RHBDF1: variants seen among roughly 807,000 people sequenced by gnomAD.
The protein encoded by RHBDF1 is inactive rhomboid protein 1.
In RHBDF1, 80 loss-of-function variants were observed where a neutral mutation model predicts 98.6. The observed-to-expected ratio is 0.81, with a 90% CI of 0.68 to 0.98. The LOEUF is 0.98. Ranked by LOEUF, RHBDF1 falls within the 50% of genes least tolerant of loss-of-function variation. The pLI, the probability that RHBDF1 is intolerant of heterozygous loss-of-function variation, is 0.00. For missense variants in RHBDF1, 1,116 were observed against 1,198.3 expected (o/e 0.93, Z 1.01); for synonymous variants, 512 against 486.8 (o/e 1.05, Z -0.68).
chr16:61,353 C>A (rs756184252), intron 10 of RHBDF1, 32 bp downstream of exon 10: 470 of 1,550,608 alleles, frequency 3.0e-4, no homozygotes, highest in Non-Finnish European at 3.9e-4. Context: ...AGGTCCCGCC[C>A]CCGCCGGCCC....
In RHBDF1 at chr16:61,707, G is replaced by C. The variant is rs757887168; in HGVS notation, c.1209-11C>G. 4 of 1,613,134 alleles carry C rather than the reference G, an allele frequency of 2.5e-6. No homozygotes were observed. The highest frequency in any genetic ancestry group is 3.4e-6 in the Non-Finnish European group (4 of 1,179,798). ...TAGGTGAAGAAGGGCCTGCGGGGTG[G>C]AGCGTCAGCGGGGGCCTCATCCCCG... On this transcript the variant is annotated splice_polypyrimidine_tract_variant and intron_variant, in intron 8 of 17. Transcript: ENST00000262316.
In RHBDF1 at chr16:61,384, C is replaced by G; in HGVS notation, c.1395+1G>C. 3.7e-6 allele frequency: 6 copies of G among 1,606,258 alleles called. No individual in the cohort carries two copies. The highest frequency in any genetic ancestry group is 5.1e-6 in the Non-Finnish European group (6 of 1,177,352). ...GGCCCCGCCCCCAGCCCCGTCCTCA[C>G]CGAGCTGGGCCCGATCCAGAAGTTC... On this transcript the variant is annotated splice_donor_variant, in intron 10 of 17. Coordinates refer to ENST00000262316, the MANE Select transcript of RHBDF1 (RefSeq NM_022450.5). LOFTEE classifies it high-confidence loss of function.
intron 1 of RHBDF1, among the ~76,000 whole-genome samples, chr16:68,312 G>A (rs1399601042): frequency 1.3e-5 from 2 of 152,230 alleles, no homozygotes; most frequent in African/African-American, 4.8e-5. Context: ...CAAGTGGGTG[G>A]GATTCCAAAG....
At chr16:59,604 C>G in intron 14 of RHBDF1, 110 bp from the exon 15 acceptor site, 1 of 1,477,566 alleles carries the variant, frequency 6.8e-7, no homozygotes, top group Non-Finnish European at 9.2e-7. Flanking sequence ...CCAAGGAAGT[C>G]CAGACCCCCT....
chr16:63,915 A>G, intron 3 of RHBDF1, 115 bp from the exon 4 acceptor site: 4 of 936,446 alleles, frequency 4.3e-6, no homozygotes, highest in Non-Finnish European at 5.1e-6. Context: ...CACTCCAGGG[A>G]CCAGGGTCTG....
chr16:59,214 C>T, intron 16 of RHBDF1, 35 bp downstream of exon 16: 1 of 1,592,372 alleles, frequency 6.3e-7, no homozygotes, highest in Non-Finnish European at 8.6e-7. Context: ...CCTGAGGGCC[C>T]TGAGACCCCC....
rs201279363 is a variant in RHBDF1, at chr16:60,248, G to C, written c.1690C>G (p.His564Asp). ...TTGGTGATGTCTTCTGGCCACTCAT[G>C]AGGGTCTTCGGAGGAGGGCTCATCA... ...VCDEPSSEDP[H>D]EWPEDITKWP... Residue 564 changes from histidine (H) to aspartate (D), a missense_variant, in exon 13 of 18, where the codon CAT (histidine) becomes GAT (aspartate). Transcript: ENST00000262316. 1.2e-6 allele frequency: 2 copies of C among 1,614,104 alleles called. No individual in the cohort carries two copies. Among genetic ancestry groups the C allele is most frequent in the Admixed American group, 1.7e-5 (1 of 60,024 alleles).
chr16:61,861 C>A lies in RHBDF1; in HGVS notation c.1145G>T (p.Arg382Leu). Residue 382 changes from arginine to leucine, a missense_variant, in exon 8 of 18, where the codon CGC becomes CTC. Coordinates refer to ENST00000262316, the MANE Select transcript of RHBDF1 (RefSeq NM_022450.5). ...GCTGTCGATGCGCTTGCGGTAGGTG[C>A]GGTTGGTGAGCCGTCCCACCATGCC... ...GLGMVGRLTN[R>L]TYRKRIDSFV... 1 of 1,610,776 alleles carries A rather than the reference C, an allele frequency of 6.2e-7. No individual in the cohort carries two copies. The highest frequency in any genetic ancestry group is 8.5e-7 in the Non-Finnish European group (1 of 1,179,788).
intron 2 of RHBDF1, 35 bp from the exon 3 acceptor site, chr16:64,864 G>T (rs1212795683): frequency 6.2e-7 from 1 of 1,613,978 alleles, no homozygotes; most frequent in African/African-American, 1.3e-5. Context: ...GTACTGGACA[G>T]GGGGCACCCA....
At position 62,940 on chromosome 16, in the gene RHBDF1, G is replaced by A. The variant is rs775665123; in HGVS notation, c.672+33C>T. On this transcript the variant is annotated intron_variant, in intron 5 of 17. Coordinates refer to ENST00000262316, the MANE Select transcript of RHBDF1 (RefSeq NM_022450.5). ...AGCATGAGACCCGGCTGCTGGGTCG[G>A]CCCCCAACCCCGCCTTTGGCCCCTG... is the stretch of plus-strand genomic sequence containing the variant. 4 of 1,612,504 alleles carry A rather than the reference G, an allele frequency of 2.5e-6. No homozygotes were observed. In the Admixed American group the frequency reaches 6.7e-5, roughly 27 times the overall value.
At chr16:69,844 C>T (rs1399507774) in intron 1 of RHBDF1, among the ~76,000 whole-genome samples, 2 of 152,180 alleles carry the variant, frequency 1.3e-5, no homozygotes, top group Non-Finnish European at 2.9e-5. Context: ...CCCAGCAGGA[C>T]AGACTGGCAC....
Position 61,876 on chromosome 16 carries a change from C to G in RHBDF1, c.1130G>C (p.Gly377Ala). The G allele has an allele frequency of 6.2e-7, 1 of 1,609,372 alleles. No individual in the cohort carries two copies. The highest frequency in any genetic ancestry group is 8.5e-7 in the Non-Finnish European group (1 of 1,179,778). The change falls in exon 8 of 18, where the codon GGA (glycine) becomes GCA (alanine). Residue 377 changes from glycine (G) to alanine (A), a missense_variant. Transcript: ENST00000262316. The stretch of plus-strand genomic sequence containing the variant: ...GCGGTAGGTGCGGTTGGTGAGCCGT[C>G]CCACCATGCCCAGCCCATACGGCCG... ...EKRPYGLGMV[G>A]RLTNRTYRKR... is the part of the protein sequence containing the mutation.
At chr16:74,076 AGG>A, upstream of RHBDF1, 2 of 364,914 alleles carry the variant, frequency 5.5e-6, no homozygotes, top group Non-Finnish European at 7.6e-6. Flanking sequence ...GAGGGGGTGG[AGG>A]GTAACTCCAC....
Position 61,438 on chromosome 16 carries a change from A to G in RHBDF1, c.1342T>C (p.Tyr448His). ...VDSVLRNRGVYENVKYVQQEN... is the reference protein window; with the variant it reads ...VDSVLRNRGVHENVKYVQQEN... ...TGCTGCACGTACTTGACGTTCTCGT[A>G]GACCCCGCGGTTCCGCAGCACCTGG... The change falls in exon 10 of 18, where the codon TAC (tyrosine) becomes CAC (histidine). Residue 448 changes from tyrosine (Y) to histidine (H), a missense_variant. Physicochemically the swap from Tyr to His is moderately conservative, Grantham distance 83. Transcript: ENST00000262316. 1.2e-6 allele frequency: 2 copies of G among 1,612,482 alleles called. No individual in the cohort carries two copies. Among genetic ancestry groups the G allele is most frequent in the South Asian group, 2.2e-5 (2 of 91,070 alleles).
chr16:61,157 CTGTCGT>C lies in RHBDF1; in HGVS notation c.1514_1519del (p.Asn505_Asp506del). On this transcript the variant is annotated inframe_deletion, in exon 11 of 18. Transcript: ENST00000262316. ...CTCCGAGGTCTGCACGCAGCCCGAC[CTGTCGT>C]TGCGCACGCAGCAGGCGGAGTGCTT... 6.5e-7 allele frequency: 1 copy of C among 1,538,746 alleles called. No homozygotes were observed. The highest frequency in any genetic ancestry group is 8.7e-7 in the Non-Finnish European group (1 of 1,144,994).
rs780059637 is a variant in RHBDF1 at position 61,425 on chromosome 16, T to C, written c.1355A>G (p.Lys452Arg). 2 of 1,611,468 alleles carry C rather than the reference T, an allele frequency of 1.2e-6. No homozygotes were observed. Among genetic ancestry groups the C allele is most frequent in the South Asian group, 1.1e-5 (1 of 91,040 alleles). Residue 452 changes from lysine (K) to arginine (R), a missense_variant, in exon 10 of 18, where the codon AAG becomes AGG. Transcript: ENST00000262316. ...LRNRGVYENVKYVQQENFWIG... is the reference protein window; with the variant it reads ...LRNRGVYENVRYVQQENFWIG... ...CCAGAAGTTCTCCTGCTGCACGTAC[T>C]TGACGTTCTCGTAGACCCCGCGGTT...
intron 8 of RHBDF1, 28 bp downstream of exon 8, chr16:61,770 C>A: frequency 6.2e-7 from 1 of 1,612,336 alleles, no homozygotes; most frequent in Non-Finnish European, 8.5e-7. Context: ...GCCTCCATCC[C>A]AACCCAGGCC....
chr16:73,920 G>A (rs1898039647), upstream of RHBDF1: 1 of 984,732 alleles, frequency 1.0e-6, no homozygotes, highest in African/African-American at 1.7e-5. Context: ...ACACTTACCG[G>A]TAGATCCCAG....
At chr16:73,446 CG>C (rs1898029069), upstream of RHBDF1, among the ~76,000 whole-genome samples, 1 of 152,154 alleles carries the variant, frequency 6.6e-6, no homozygotes, top group African/African-American at 2.4e-5. Flanking sequence ...GCGGCCACCC[CG>C]GGGTGGGCTC....
Sources: allele counts gnomAD v4.1 joint callset (sites outside exome capture counted in the v4.1 genomes callset), GRCh38; gene constraint gnomAD v4.1.1; transcripts MANE v1.5; gene names NCBI Gene and HGNC (gene_info 2026-07-23, HGNC 2026-07-21).